The following ST3GAL5 variants were observed in gnomAD, a reference collection of about 807,000 sequenced individuals.
ST3GAL5 encodes lactosylceramide alpha-2,3-sialyltransferase.
A neutral mutation model predicts 46.1 loss-of-function variants in ST3GAL5; 25 were observed. The observed-to-expected ratio is 0.54, with a 90% CI of 0.40 to 0.76. The LOEUF (loss-of-function observed/expected upper bound fraction) is 0.76, where lower values mean the gene tolerates loss of function less well. Among genes scored for constraint, ST3GAL5 ranks in the 30% least tolerant of loss-of-function variants. The pLI is 0.00. For missense variants in ST3GAL5, 431 were observed against 521.2 expected (o/e 0.83, Z 1.69); for synonymous variants, 182 against 192.7 (o/e 0.94, Z 0.46).
At chr2:85,874,987 G>A (rs1280593116) in intron 1 of ST3GAL5, among the ~76,000 whole-genome samples, 2 of 152,126 alleles carry the variant, frequency 1.3e-5, no homozygotes, top group Non-Finnish European at 2.9e-5. Context: ...ATATGTGTTT[G>A]TTGAGGGGAG....
At chr2:85,849,643 C>T (rs1486807442) in intron 3 of ST3GAL5, 2 of 152,136 alleles carry the variant, frequency 1.3e-5, no homozygotes, top group Non-Finnish European at 2.9e-5. Context: ...CAAAAAACCC[C>T]CCAAAAAACA....
At position 85,870,410 on chromosome 2, in the gene ST3GAL5, T is replaced by C. The variant is rs75077743; in HGVS notation, c.83-6925A>G. 4.7e-4 allele frequency among the ~76,000 whole-genome samples: 72 copies of C among 152,322 alleles called. 2 individuals are homozygous for C. In the East Asian group the frequency reaches 0.013, roughly 28 times the overall value. On this transcript the variant is annotated intron_variant, in intron 1 of 6. Transcript: ENST00000638572. ...ATCACAAGGCTGGCCTGTCTTCTTC[T>C]GTCCTGTGGCTCCCTCCTCGTTCTC...
chr2:85,886,312 G>A (rs903628044), intron 1 of ST3GAL5, among the ~76,000 whole-genome samples: 15 of 152,194 alleles, frequency 9.9e-5, no homozygotes, highest in East Asian at 3.8e-4. Context: ...GTGTGTGCCC[G>A]TAGTCTCAGC....
intron 3 of ST3GAL5, among the ~76,000 whole-genome samples, chr2:85,857,066 CAAAAAAA>C (rs373154047): frequency 8.5e-5 from 6 of 70,938 alleles, no homozygotes; most frequent in Admixed American, 7.3e-4. Flanking sequence ...CTGCCTCTAC[CAAAAAAA>C]AAAAAAAAAA....
chr2:85,878,413 G>A (rs1410688147), intron 1 of ST3GAL5, among the ~76,000 whole-genome samples: 1 of 152,132 alleles, frequency 6.6e-6, no homozygotes, highest in Non-Finnish European at 1.5e-5. Flanking sequence ...CCTCATTCAA[G>A]GTGCATTCCA....
At chr2:85,847,666 G>C in intron 4 of ST3GAL5, 195 bp downstream of exon 4, 1 of 1,317,516 alleles carries the variant, frequency 7.6e-7, no homozygotes, top group South Asian at 1.6e-5. Flanking sequence ...CGCGTGGTGT[G>C]TGCCTGGGGT....
rs1458403068 is a variant in ST3GAL5, at chr2:85,838,363, G to T, written c.*1781C>A. ...CGTAGCATTAAGAACGTTGTCTGAG[G>T]AAGTTCCGGCTTCTCCAATAACCCC... On this transcript the variant is annotated 3_prime_UTR_variant, in exon 7 of 7. Coordinates refer to ENST00000638572, the MANE Select transcript of ST3GAL5 (RefSeq NM_003896.4). 8 of 152,270 alleles carry T rather than the reference G, an allele frequency of 5.3e-5. No individual in the cohort carries two copies. Among genetic ancestry groups the T allele is most frequent in the African/African-American group, 1.7e-4 (7 of 41,528 alleles). 9.4% of individuals were successfully genotyped at this position (152,270 alleles called of 1,614,324 possible). A position where few individuals can be genotyped will look rare whatever the true frequency, so the allele number is the denominator to read the frequency against.
chr2:85,848,838 T>C (rs1241929042), intron 3 of ST3GAL5: 1 of 157,448 alleles, frequency 6.4e-6, no homozygotes, highest in Non-Finnish European at 1.4e-5. Context: ...GTAAATTTTA[T>C]GTTTTTTTTA....
chr2:85,877,016 A>G (rs1448640222), intron 1 of ST3GAL5, among the ~76,000 whole-genome samples: 1 of 152,236 alleles, frequency 6.6e-6, no homozygotes, highest in South Asian at 2.1e-4. Context: ...CAGACTCCCC[A>G]GTTGTTACCA....
At chr2:85,868,947 C>G (rs1028962664) in intron 1 of ST3GAL5, among the ~76,000 whole-genome samples, 1 of 152,122 alleles carries the variant, frequency 6.6e-6, no homozygotes, top group African/African-American at 2.4e-5. Context: ...CAACAAAAAA[C>G]GATCAGACTG....
intron 1 of ST3GAL5, among the ~76,000 whole-genome samples, chr2:85,874,991 A>G (rs952636431): frequency 6.6e-6 from 1 of 152,088 alleles, no homozygotes; most frequent in Non-Finnish European, 1.5e-5. Flanking sequence ...GTGTTTGTTG[A>G]GGGGAGGCTA....
rs533462856 is a variant in ST3GAL5, at chr2:85,839,419, G to A, written c.*725C>T. ...ATCTAACACTTAAGTGCTTTGAAAGGGCAGTAAAAAATCCCCAAGGAATTC... is the reference window on the plus strand; with the variant it reads ...ATCTAACACTTAAGTGCTTTGAAAGAGCAGTAAAAAATCCCCAAGGAATTC... On this transcript the variant is annotated 3_prime_UTR_variant, in exon 7 of 7. Coordinates refer to ENST00000638572, the MANE Select transcript of ST3GAL5 (RefSeq NM_003896.4). 6.5e-6 allele frequency: 1 copy of A among 153,216 alleles called. No homozygotes were observed. The highest frequency in any genetic ancestry group is 6.5e-5 in the Admixed American group (1 of 15,482). 9.5% of individuals were successfully genotyped at this position (153,216 alleles called of 1,614,324 possible). A position where few individuals can be genotyped will look rare whatever the true frequency, so the allele number is the denominator to read the frequency against.
intron 3 of ST3GAL5, among the ~76,000 whole-genome samples, chr2:85,851,960 C>G (rs993090552): frequency 6.6e-6 from 1 of 152,234 alleles, no homozygotes; most frequent in Non-Finnish European, 1.5e-5. Context: ...AAGTAGACAT[C>G]TGGTAGTGCC....
intron 6 of ST3GAL5, among the ~76,000 whole-genome samples, chr2:85,843,048 G>A (rs879547572): frequency 6.6e-5 from 10 of 152,242 alleles, no homozygotes; most frequent in East Asian, 3.9e-4. Flanking sequence ...GTCTGCAACC[G>A]CGCCCAGCCT....
chr2:85,861,835 ACACACACG>A (rs772860005), intron 2 of ST3GAL5, among the ~76,000 whole-genome samples: 22 of 151,900 alleles, frequency 1.4e-4, no homozygotes, highest in Non-Finnish European at 2.8e-4. Flanking sequence ...ACACACACAC[ACACACACG>A]ACTTGGAGAA....
intron 1 of ST3GAL5, among the ~76,000 whole-genome samples, chr2:85,881,566 G>T (rs1182912412): frequency 6.6e-6 from 1 of 152,224 alleles, no homozygotes; most frequent in Non-Finnish European, 1.5e-5. Context: ...TGAAGCAAAG[G>T]TGACTCTTTT....
At chr2:85,881,387 A>G (rs2104230326) in intron 1 of ST3GAL5, among the ~76,000 whole-genome samples, 1 of 152,346 alleles carries the variant, frequency 6.6e-6, no homozygotes, top group East Asian at 1.9e-4. Context: ...TGTAACAGGC[A>G]GAGATTGGAA....
At chr2:85,884,499 AG>A (rs1443166630) in intron 1 of ST3GAL5, among the ~76,000 whole-genome samples, 23 of 152,226 alleles carry the variant, frequency 1.5e-4, no homozygotes, top group African/African-American at 5.3e-4. Flanking sequence ...CAAGTGGCTC[AG>A]GTTATGTTTC....
intron 1 of ST3GAL5, among the ~76,000 whole-genome samples, chr2:85,880,449 T>A (rs1316681043): frequency 1.3e-5 from 2 of 152,234 alleles, no homozygotes; most frequent in African/African-American, 4.8e-5. Flanking sequence ...AGTTTTTAAT[T>A]ATACAACCCA....
Sources: gnomAD v4.1 joint callset for allele counts (sites outside exome capture counted in the v4.1 genomes callset) on GRCh38, gnomAD v4.1.1 for gene constraint, MANE v1.5 for transcripts, NCBI Gene and HGNC (gene_info 2026-07-23, HGNC 2026-07-21) for gene names.